The following LRP1B variants were observed in gnomAD, a reference collection of about 807,000 sequenced individuals.
The protein encoded by LRP1B is low-density lipoprotein receptor-related protein 1B.
A neutral mutation model predicts 556.6 loss-of-function variants in LRP1B; 217 were observed. The observed-to-expected ratio is 0.39, with a 90% confidence interval of 0.35 to 0.44. The LOEUF is 0.44. LRP1B is among the 20% of genes least tolerant of loss of function. The pLI, the probability that LRP1B is intolerant of heterozygous loss-of-function variation, is 1.00. For synonymous variants in LRP1B, 2,047 were observed against 1,865.8 expected, an observed-to-expected ratio of 1.10 and a Z score of -2.50; for missense variants, 5,053 against 5,620.8, an observed-to-expected ratio of 0.90 and a Z score of 3.23.
intron 14 of LRP1B, among the ~76,000 whole-genome samples, chr2:141,008,171 C>A (rs1011387708): frequency 5.3e-5 from 8 of 151,056 alleles, no homozygotes; most frequent in East Asian, 1.9e-4. Context: ...AATTTTTATA[C>A]CTATATATCA....
chr2:140,671,692 G>T (rs1685491648), intron 41 of LRP1B, among the ~76,000 whole-genome samples: 1 of 151,876 alleles, frequency 6.6e-6, no homozygotes, highest in Admixed American at 6.6e-5. Context: ...ATCTTATAAG[G>T]ACTCTGTGAT....
chr2:140,724,513 C>G (rs975731857), intron 35 of LRP1B, among the ~76,000 whole-genome samples: 31 of 152,106 alleles, frequency 2.0e-4, no homozygotes, highest in African/African-American at 6.0e-4. Context: ...CAACAGTGCT[C>G]TATCCCAAAA....
chr2:141,094,624 TGGG>T (rs1700250776), intron 7 of LRP1B, among the ~76,000 whole-genome samples: 35 of 152,322 alleles, frequency 2.3e-4, no homozygotes, highest in Admixed American at 2.3e-3. Flanking sequence ...CTGACCTTTC[TGGG>T]CTAAAGAATA....
chr2:140,291,314 A>ATTTTTTTTT (rs1370713902), intron 84 of LRP1B, among the ~76,000 whole-genome samples: 3 of 65,122 alleles, frequency 4.6e-5, no homozygotes, highest in African/African-American at 1.7e-4. Flanking sequence ...ATATATATAT[A>ATTTTTTTTT]TATATTTTTA....
intron 21 of LRP1B, among the ~76,000 whole-genome samples, chr2:140,920,379 TG>T (rs1189535818): frequency 1.3e-5 from 2 of 152,078 alleles, no homozygotes; most frequent in African/African-American, 2.4e-5. Context: ...TGACAATTTA[TG>T]TATAAGAAAG....
chr2:141,466,294 C>T (rs759717057), intron 3 of LRP1B, among the ~76,000 whole-genome samples: 4 of 152,202 alleles, frequency 2.6e-5, no homozygotes, highest in African/African-American at 9.6e-5. Flanking sequence ...ATGACCAGCT[C>T]TCTTTCTTTC....
chr2:141,157,835 T>C (rs937619168), intron 7 of LRP1B, among the ~76,000 whole-genome samples: 5 of 152,174 alleles, frequency 3.3e-5, no homozygotes, highest in African/African-American at 1.2e-4. Flanking sequence ...CTAAGCTATT[T>C]TACCTTTAAA....
In LRP1B at chr2:140,526,332, A is replaced by G. The variant is rs1291525233; in HGVS notation, c.7781T>C (p.Val2594Ala). ...AGTCCCATCTGCACAGCGGAACTCA[A>G]CCGTGGCACAGGTTGAAACTAGAAA... ...LDCKVSTCAT[V>A]EFRCADGTCI... The change falls in exon 48 of 91, where the codon GTT becomes GCT. Residue 2594 changes from valine to alanine, a missense_variant. By Grantham distance (64) the Val-to-Ala change is moderately conservative. This residue lies in a region of LRP1B where 3,619 missense variants were observed against 3,931.9 expected (regional missense o/e 0.92). Transcript: ENST00000389484. 2.5e-6 allele frequency: 4 copies of G among 1,611,146 alleles called. No homozygotes were observed. The African/African-American group carries it at 5.4e-5, about 22-fold the overall frequency.
At chr2:140,568,292 C>A (rs1681201377) in intron 43 of LRP1B, among the ~76,000 whole-genome samples, 1 of 146,252 alleles carries the variant, frequency 6.8e-6, no homozygotes. Flanking sequence ...AGATAAATAT[C>A]ATAAAAAGAA....
chr2:141,819,100 G>A (rs1002040469), intron 1 of LRP1B, among the ~76,000 whole-genome samples: 6 of 41,348 alleles, frequency 1.5e-4, no homozygotes, highest in African/African-American at 6.3e-4. Flanking sequence ...TTAACCAGGA[G>A]TGGTGGTGCA....
rs1317917293 is a variant in LRP1B at position 140,776,089 on chromosome 2, G to A, written c.5500+9C>T. The A allele has an allele frequency of 6.5e-7, 1 of 1,548,222 alleles. No individual in the cohort carries two copies. On this transcript the variant is annotated intron_variant, in intron 33 of 90. Transcript: ENST00000389484. ...CAAGACCTGGCACAAATTCATTAGTGTGATTTACCTTGCTGTGCTTCTTTA... is the reference window on the plus strand; with the variant it reads ...CAAGACCTGGCACAAATTCATTAGTATGATTTACCTTGCTGTGCTTCTTTA...
intron 10 of LRP1B, among the ~76,000 whole-genome samples, chr2:141,051,939 TA>T (rs1252953376): frequency 6.7e-6 from 1 of 148,748 alleles, no homozygotes; most frequent in Non-Finnish European, 1.5e-5. Flanking sequence ...TATATCAAAA[TA>T]GATACTCAAT....
intron 43 of LRP1B, among the ~76,000 whole-genome samples, chr2:140,575,258 T>A (rs1681474669): frequency 6.6e-6 from 1 of 152,164 alleles, no homozygotes; most frequent in African/African-American, 2.4e-5. Flanking sequence ...GGAAAAGTTA[T>A]CTGCATAATC....
At chr2:140,937,660 G>C (rs1695269202) in intron 20 of LRP1B, among the ~76,000 whole-genome samples, 1 of 151,990 alleles carries the variant, frequency 6.6e-6, no homozygotes, top group East Asian at 1.9e-4. Flanking sequence ...AAACAGAAGA[G>C]GTGACTGAGT....
At chr2:141,688,910 T>G (rs774949579) in intron 2 of LRP1B, among the ~76,000 whole-genome samples, 1 of 151,904 alleles carries the variant, frequency 6.6e-6, no homozygotes, top group Non-Finnish European at 1.5e-5. Flanking sequence ...ACCTTTCTTA[T>G]CCCAGTTCAT....
rs865784120 is a variant in LRP1B at position 140,697,738 on chromosome 2, A to T, written c.6799+2512T>A. On this transcript the variant is annotated intron_variant, in intron 41 of 90. Coordinates refer to ENST00000389484, the MANE Select transcript of LRP1B (RefSeq NM_018557.3). Reference sequence around the variant, plus strand: ...TATATGAAATATCTAGAATTAGAAAATTCATAGAGACAGAAAATATCCATT... The same window carrying T: ...TATATGAAATATCTAGAATTAGAAATTTCATAGAGACAGAAAATATCCATT... 2.6e-5 allele frequency among the ~76,000 whole-genome samples: 4 copies of T among 152,112 alleles called. 1 individual carries two copies. In the South Asian group the frequency reaches 8.3e-4, roughly 32 times the overall value.
At position 140,334,552 on chromosome 2, in the gene LRP1B, A is replaced by G; in HGVS notation, c.12124T>C (p.Tyr4042His). ...GAATGATCCCCAACAACAGTCCAGT[A>G]CATCATCCTGAAGAGAGCGGGTCAG... ...IAVNPKRGMM[Y>H]WTVVGDHSHI... The change falls in exon 79 of 91, where the codon TAC (tyrosine) becomes CAC (histidine). Residue 4042 changes from tyrosine to histidine, a missense_variant. Transcript: ENST00000389484. 1 of 1,579,714 alleles carries G rather than the reference A, an allele frequency of 6.3e-7. No individual in the cohort carries two copies. Among genetic ancestry groups the G allele is most frequent in the Non-Finnish European group, 8.6e-7 (1 of 1,162,916 alleles).
intron 2 of LRP1B, among the ~76,000 whole-genome samples, chr2:141,797,860 T>C (rs1695874772): frequency 6.6e-6 from 1 of 152,198 alleles, no homozygotes; most frequent in Admixed American, 6.5e-5. Context: ...AAAACCTTGA[T>C]TGTGTGATAT....
chr2:140,560,622 A>G lies in LRP1B; in HGVS notation c.7195-18651T>C, dbSNP rs140924923. On this transcript the variant is annotated intron_variant, in intron 43 of 90. Transcript: ENST00000389484. ...AATAAACTGATGCCAGAATTAAAGA[A>G]CCTAAATAAGTTATTGTATGCTTGC... 1.7e-3 allele frequency among the ~76,000 whole-genome samples: 264 copies of G among 152,306 alleles called. 3 individuals are homozygous for G. Among genetic ancestry groups the G allele is most frequent in the Admixed American group, 3.9e-3 (59 of 15,282 alleles).
Sources: gnomAD v4.1 joint callset for allele counts (sites outside exome capture counted in the v4.1 genomes callset) on GRCh38, gnomAD v4.1.1 for gene constraint, gnomAD v4.1.1 regional missense constraint, MANE v1.5 for transcripts, NCBI Gene and HGNC (gene_info 2026-07-23, HGNC 2026-07-21) for gene names.